Variants in STRIP2 observed in about 807,000 individuals in gnomAD.
STRIP2 encodes the protein striatin interacting protein 2, also known as striatin-interacting protein 2.
Under a neutral mutation model 107.1 loss-of-function variants are expected in STRIP2, and 84 were observed. The observed-to-expected ratio is 0.78, with a 90% CI of 0.66 to 0.94. STRIP2 has a LOEUF of 0.94. STRIP2 is among the 40% of genes least tolerant of loss of function. The pLI, the probability that STRIP2 is intolerant of heterozygous loss-of-function variation, is 0.00. For missense variants in STRIP2, 888 were observed against 1,034.2 expected, an observed-to-expected ratio of 0.86 and a Z score of 1.94; for synonymous variants, 394 against 400.4, an observed-to-expected ratio of 0.98 and a Z score of 0.19.
intron 13 of STRIP2, chr7:129,460,596 A>C: frequency 1.9e-6 from 1 of 533,740 alleles, no homozygotes. Flanking sequence ...CAATGAAGAA[A>C]ATTTAAACAG....
chr7:129,473,590 G>GGGCTC (rs1798844336), intron 18 of STRIP2, among the ~76,000 whole-genome samples: 1 of 152,114 alleles, frequency 6.6e-6, no homozygotes, highest in South Asian at 2.1e-4. Context: ...AGCTGATCTT[G>GGGCTC]AACTCCTGGG....
At chr7:129,471,963 C>A (rs1430354187) in intron 18 of STRIP2, among the ~76,000 whole-genome samples, 2 of 151,860 alleles carry the variant, frequency 1.3e-5, no homozygotes, top group Non-Finnish European at 2.9e-5. Context: ...TGATGCTATT[C>A]AGTCTTTTTT....
intron 7 of STRIP2, 29 bp downstream of exon 7, chr7:129,454,556 G>A: frequency 6.9e-7 from 1 of 1,440,498 alleles, no homozygotes; most frequent in Non-Finnish European, 9.8e-7. Context: ...GGAAGGTGTG[G>A]ATGGGGTGCT....
At chr7:129,448,710 G>A (rs912668188) in intron 3 of STRIP2, among the ~76,000 whole-genome samples, 2 of 152,146 alleles carry the variant, frequency 1.3e-5, no homozygotes, top group African/African-American at 4.8e-5. Flanking sequence ...CATTATGGTA[G>A]CTATGCTCAC....
intron 3 of STRIP2, among the ~76,000 whole-genome samples, chr7:129,445,029 C>T (rs182705758): frequency 6.6e-6 from 1 of 152,292 alleles, no homozygotes; most frequent in Non-Finnish European, 1.5e-5. Context: ...ATTCTGTATT[C>T]CCTTTGCATT....
chr7:129,447,291 C>T (rs574996730), intron 3 of STRIP2, among the ~76,000 whole-genome samples: 1 of 152,338 alleles, frequency 6.6e-6, no homozygotes, highest in Admixed American at 6.5e-5. Flanking sequence ...AATAGACCCA[C>T]TAGGCATTGT....
At position 129,464,152 on chromosome 7, in the gene STRIP2, C is replaced by A; in HGVS notation, c.1649+11C>A. On this transcript the variant is annotated intron_variant, in intron 15 of 20. Coordinates refer to ENST00000249344, the MANE Select transcript of STRIP2 (RefSeq NM_020704.3). The stretch of plus-strand genomic sequence containing the variant: ...ACCTGAGGAGATGCCGTGAGTGCTT[C>A]AACGGGGGCAGCTGCTGGATACTAG... 1 of 1,596,180 alleles carries A rather than the reference C, an allele frequency of 6.3e-7. No homozygotes were observed. Among genetic ancestry groups the A allele is most frequent in the Non-Finnish European group, 8.6e-7 (1 of 1,167,748 alleles).
chr7:129,441,062 G>A (rs1797886071), intron 2 of STRIP2, among the ~76,000 whole-genome samples: 2 of 151,910 alleles, frequency 1.3e-5, no homozygotes, highest in Admixed American at 1.3e-4. Flanking sequence ...ACCCAACAAA[G>A]AAATGGGCAA....
intron 5 of STRIP2, among the ~76,000 whole-genome samples, chr7:129,453,680 A>G (rs11771705): frequency 0.22 from 33,660 of 152,134 alleles, 4,254 homozygotes; most frequent in Non-Finnish European, 0.28. Flanking sequence ...ACTATTTTGA[A>G]TGCATGACCC....
At chr7:129,454,737 T>A (rs1798297142) in intron 7 of STRIP2, among the ~76,000 whole-genome samples, 1 of 152,218 alleles carries the variant, frequency 6.6e-6, no homozygotes, top group African/African-American at 2.4e-5. Flanking sequence ...ACCAGCCATG[T>A]AACTTCTCTA....
Position 129,464,046 on chromosome 7 carries a change from C to T in STRIP2, c.1554C>T (p.Ile518=), listed in dbSNP as rs533466869. The T allele has an allele frequency of 1.4e-5, 22 of 1,612,952 alleles. No homozygotes were observed. In the East Asian group the frequency reaches 1.6e-4, roughly 11 times the overall value. ...TTTCTTTATTTTCTACTTCTCAGAT[C>T]GCTCTGCTTAAGATTCTGCTGGCTG... ...GMLYSLPQYM[I]ALLKILLAAA... The change falls in exon 15 of 21, where the codon ATC becomes ATT. Residue 518 remains isoleucine, a splice_region_variant and synonymous_variant. Transcript: ENST00000249344.
intron 3 of STRIP2, among the ~76,000 whole-genome samples, chr7:129,446,275 T>C (rs781287169): frequency 3.3e-5 from 5 of 152,176 alleles, no homozygotes; most frequent in Non-Finnish European, 7.4e-5. Flanking sequence ...CACCCACTGG[T>C]GAACACTCAC....
intron 7 of STRIP2, among the ~76,000 whole-genome samples, chr7:129,454,977 C>A (rs1483597234): frequency 1.3e-5 from 2 of 152,234 alleles, no homozygotes; most frequent in Non-Finnish European, 2.9e-5. Flanking sequence ...AAAGCAATGT[C>A]TTCATTATTG....
At position 129,458,392 on chromosome 7, in the gene STRIP2, C is replaced by A. The variant is rs770918799; in HGVS notation, c.1216C>A (p.Pro406Thr). 1 of 1,613,214 alleles carries A rather than the reference C, an allele frequency of 6.2e-7. No individual in the cohort carries two copies. Among genetic ancestry groups the A allele is most frequent in the African/African-American group, 1.3e-5 (1 of 75,034 alleles). ...PLVPPPPSQAPLSAERVAFPK... is the reference protein window; with the variant it reads ...PLVPPPPSQATLSAERVAFPK... ...GGTGCCACCTCCACCCTCACAGGCA[C>A]CCCTCTCTGCTGAGCGGGTGGCTTT... The change falls in exon 10 of 21, where the codon CCC (proline) becomes ACC (threonine). Residue 406 changes from proline (P) to threonine (T), a missense_variant. Transcript: ENST00000249344. This position sits in a 1 kb window ranked among gnomAD's most constrained non-coding sequence, Gnocchi z 4.6.
chr7:129,466,171 G>C (rs1798666763), intron 16 of STRIP2, among the ~76,000 whole-genome samples: 1 of 152,136 alleles, frequency 6.6e-6, no homozygotes, highest in Admixed American at 6.5e-5. Context: ...TTCACAGCCA[G>C]ACAGGTGGAT....
chr7:129,460,362 C>T lies in STRIP2; in HGVS notation c.1466C>T (p.Pro489Leu). The change falls in exon 13 of 21, where the codon CCT becomes CTT. Residue 489 changes from proline to leucine, a missense_variant. Transcript: ENST00000249344. ...AATGAAGAGGAGCTGGAGAAGTGCC[C>T]TATGTCTTTGGTGAGCCAAGGAAGC... The part of the protein sequence containing the change: ...IKNEEELEKC[P>L]MSLGEEVVPE... The T allele has an allele frequency of 6.2e-7, 1 of 1,613,654 alleles. No homozygotes were observed. The highest frequency in any genetic ancestry group is 1.1e-5 in the South Asian group (1 of 90,912).
chr7:129,440,251 CTTTG>C (rs1797862124), intron 2 of STRIP2, among the ~76,000 whole-genome samples, 160 bp downstream of exon 2: 1 of 152,176 alleles, frequency 6.6e-6, no homozygotes, highest in Non-Finnish European at 1.5e-5. Context: ...GTAAATATCT[CTTTG>C]TTTGTCTTCA....
intron 18 of STRIP2, among the ~76,000 whole-genome samples, chr7:129,475,568 C>CTTTTTTTT (rs1193913684): frequency 3.0e-5 from 3 of 99,300 alleles, no homozygotes; most frequent in Non-Finnish European, 6.0e-5. Flanking sequence ...TTTTTTTTTT[C>CTTTTTTTT]TTTTTATTTT....
rs1798611563 is a variant in STRIP2 at position 129,464,093 on chromosome 7, A to G, written c.1601A>G (p.Lys534Arg). The G allele has an allele frequency of 1.9e-6, 3 of 1,613,492 alleles. No individual in the cohort carries two copies. The highest frequency in any genetic ancestry group is 1.7e-4 in the Middle Eastern group (1 of 5,858). Reference protein sequence around the residue: ...LLAAAPTSKAKTDSINILADV... With the variant: ...LLAAAPTSKARTDSINILADV... ...GCTGCAGCTCCCACCTCTAAGGCTAAGACAGACTCTATCAATATCCTGGCA... is the reference window on the plus strand; with the variant it reads ...GCTGCAGCTCCCACCTCTAAGGCTAGGACAGACTCTATCAATATCCTGGCA... Residue 534 changes from lysine to arginine, a missense_variant, in exon 15 of 21, where the codon AAG (lysine) becomes AGG (arginine). Coordinates refer to ENST00000249344, the MANE Select transcript of STRIP2 (RefSeq NM_020704.3).
Sources: allele counts gnomAD v4.1 joint callset (sites outside exome capture counted in the v4.1 genomes callset), GRCh38; gene constraint gnomAD v4.1.1; non-coding constraint Gnocchi (gnomAD v3.1); transcripts MANE v1.5; gene names NCBI Gene and HGNC (gene_info 2026-07-23, HGNC 2026-07-21).